KLF12: variants seen among roughly 807,000 people sequenced by gnomAD.
KLF12 encodes KLF transcription factor 12.
A neutral mutation model predicts 37.8 loss-of-function variants in KLF12; 9 were observed. That is an observed-to-expected ratio of 0.24 (90% CI 0.14 to 0.42). KLF12 has a LOEUF of 0.42. KLF12 is among the 10% of genes least tolerant of loss of function. The pLI, the probability that KLF12 is intolerant of heterozygous loss-of-function variation, is 1.00. For missense variants in KLF12, 411 were observed against 516.0 expected (o/e 0.80, Z 1.97); for synonymous variants, 208 against 202.1 (o/e 1.03, Z -0.25).
In KLF12 at chr13:73,807,027, C is replaced by T. The variant is rs563712647; in HGVS notation, c.806+6125G>A. 3.9e-5 allele frequency among the ~76,000 whole-genome samples: 6 copies of T among 152,112 alleles called. No homozygotes were observed. In the East Asian group the frequency reaches 9.7e-4, roughly 25 times the overall value. ...CAGTTTTCTAAATTAAGAATTATGG[C>T]CGGGCACGGTGGCTCACACCTGTAA... On this transcript the variant is annotated intron_variant, in intron 5 of 7. Transcript: ENST00000377669.
At chr13:74,129,984 G>A (rs970967910) in intron 1 of KLF12, among the ~76,000 whole-genome samples, 19 of 152,224 alleles carry the variant, frequency 1.2e-4, no homozygotes, top group African/African-American at 4.6e-4. Flanking sequence ...TCTGGCGGGT[G>A]GAAGTCAGGC....
At chr13:74,172,622 C>G in the KLF12 span, among the ~76,000 whole-genome samples, 1 of 152,144 alleles carries the variant, frequency 6.6e-6, no homozygotes, top group Non-Finnish European at 1.5e-5. Context: ...CTCTTTCTCT[C>G]CATGAGTCTT....
chr13:74,190,228 A>C, the KLF12 span, among the ~76,000 whole-genome samples: 4 of 152,178 alleles, frequency 2.6e-5, no homozygotes, highest in African/African-American at 9.7e-5. Flanking sequence ...TGACAACAAC[A>C]CACCAAACTT....
intron 1 of KLF12, among the ~76,000 whole-genome samples, chr13:74,090,138 A>G (rs904706877): frequency 6.6e-6 from 1 of 152,104 alleles, no homozygotes; most frequent in Non-Finnish European, 1.5e-5. Flanking sequence ...CACCTTTTAT[A>G]TACTTGTATT....
chr13:74,299,002 C>G, the KLF12 span, among the ~76,000 whole-genome samples: 3 of 152,028 alleles, frequency 2.0e-5, no homozygotes, highest in Non-Finnish European at 4.4e-5. Context: ...AAAGAAAAAC[C>G]AATGCAATGG....
At chr13:73,764,242 T>C (rs1054155776) in intron 6 of KLF12, among the ~76,000 whole-genome samples, 3 of 152,142 alleles carry the variant, frequency 2.0e-5, no homozygotes, top group African/African-American at 4.8e-5. Flanking sequence ...TAACACATTA[T>C]GTGTTAAAAG....
At chr13:74,267,864 G>T in the KLF12 span, among the ~76,000 whole-genome samples, 3 of 152,044 alleles carry the variant, frequency 2.0e-5, no homozygotes, top group Non-Finnish European at 2.9e-5. Flanking sequence ...CAATTATTAT[G>T]ATTAATTTTT....
At chr13:73,900,653 A>G (rs1887996279) in intron 3 of KLF12, among the ~76,000 whole-genome samples, 1 of 152,238 alleles carries the variant, frequency 6.6e-6, no homozygotes, top group South Asian at 2.1e-4. Flanking sequence ...CTAATCGTGC[A>G]TAGTAAAAAA....
intron 1 of KLF12, among the ~76,000 whole-genome samples, chr13:74,020,561 G>C (rs751682947): frequency 1.4e-4 from 21 of 152,080 alleles, no homozygotes; most frequent in Non-Finnish European, 2.8e-4. Flanking sequence ...AATAGAGAAG[G>C]GCAAGGAAAT....
chr13:74,235,884 T>C, the KLF12 span, among the ~76,000 whole-genome samples: 76 of 152,126 alleles, frequency 5.0e-4, no homozygotes, highest in Admixed American at 3.7e-3. Context: ...TTTACTTTCA[T>C]TCTCAGGTAC....
chr13:73,936,079 T>C (rs1889911136), intron 3 of KLF12, among the ~76,000 whole-genome samples: 1 of 152,034 alleles, frequency 6.6e-6, no homozygotes, highest in African/African-American at 2.4e-5. Flanking sequence ...TGCCAATTAT[T>C]TGTCATTTCT....
chr13:73,838,031 C>T (rs970047353), intron 4 of KLF12, among the ~76,000 whole-genome samples: 2 of 152,072 alleles, frequency 1.3e-5, no homozygotes, highest in African/African-American at 4.8e-5. Context: ...GATTCATGAC[C>T]TGAAACAAAG....
intron 3 of KLF12, among the ~76,000 whole-genome samples, chr13:73,909,899 G>C (rs1888490359): frequency 6.6e-6 from 1 of 151,822 alleles, no homozygotes; most frequent in Admixed American, 6.6e-5. Flanking sequence ...TGGTTATTTT[G>C]TATATAATCA....
chr13:74,205,056 A>G, the KLF12 span, among the ~76,000 whole-genome samples: 1 of 151,920 alleles, frequency 6.6e-6, no homozygotes, highest in African/African-American at 2.4e-5. Context: ...ACTTCTGTGA[A>G]CACTGACATG....
intron 2 of KLF12, among the ~76,000 whole-genome samples, chr13:73,961,088 G>T (rs1009151853): frequency 6.6e-6 from 1 of 152,042 alleles, no homozygotes; most frequent in Non-Finnish European, 1.5e-5. Flanking sequence ...TCAGATTTTT[G>T]AATAAAACAT....
At chr13:73,695,853 C>T (rs1331903699) in intron 7 of KLF12, among the ~76,000 whole-genome samples, 182 bp from the exon 8 acceptor site, 1 of 152,220 alleles carries the variant, frequency 6.6e-6, no homozygotes, top group Non-Finnish European at 1.5e-5. Context: ...TCAATCTCGT[C>T]TTGCCTGCTG....
At chr13:74,001,617 C>T (rs530483333) in intron 1 of KLF12, among the ~76,000 whole-genome samples, 1 of 152,294 alleles carries the variant, frequency 6.6e-6, no homozygotes, top group East Asian at 1.9e-4. Flanking sequence ...GCTGCCAATG[C>T]TAAGCAAGAT....
intron 5 of KLF12, among the ~76,000 whole-genome samples, chr13:73,773,847 C>T (rs1359777127): frequency 6.6e-6 from 1 of 152,124 alleles, no homozygotes; most frequent in African/African-American, 2.4e-5. Flanking sequence ...TGTGCATATG[C>T]TGGTCCTTTT....
chr13:73,837,071 C>T (rs1255908002), intron 4 of KLF12, among the ~76,000 whole-genome samples: 5 of 152,170 alleles, frequency 3.3e-5, no homozygotes, highest in Non-Finnish European at 7.4e-5. Flanking sequence ...TCTTCACTTC[C>T]TTAAGTAACA....
Sources: gnomAD v4.1 joint callset for allele counts (sites outside exome capture counted in the v4.1 genomes callset) on GRCh38, gnomAD v4.1.1 for gene constraint, MANE v1.5 for transcripts, NCBI Gene and HGNC (gene_info 2026-07-23, HGNC 2026-07-21) for gene names.